The following MICU1 variants were observed in gnomAD, a reference collection of about 807,000 sequenced individuals.
MICU1 encodes the protein calcium uptake protein 1, mitochondrial.
MICU1 carries 45 observed loss-of-function variants against 56.8 expected under a neutral mutation model. The ratio of observed to expected loss-of-function variants is 0.79; its 90% CI spans 0.62 to 1.02. The LOEUF is 1.02. Ranked by LOEUF, MICU1 falls within the 50% of genes least tolerant of loss-of-function variation. MICU1 has a pLI of 0.00. For synonymous variants in MICU1, 186 were observed against 195.1 expected (o/e 0.95, Z 0.39); for missense variants, 504 against 587.1 (o/e 0.86, Z 1.46).
At chr10:72,408,090 C>T (rs556101926) in intron 9 of MICU1, 53 bp from the exon 10 acceptor site, 120 of 1,118,530 alleles carry the variant, frequency 1.1e-4, no homozygotes, top group Middle Eastern at 7.9e-4. Context: ...AAAAGCAGCA[C>T]GATATGCATA....
chr10:72,404,051 G>A (rs1446123163), intron 10 of MICU1, among the ~76,000 whole-genome samples: 1 of 151,466 alleles, frequency 6.6e-6, no homozygotes, highest in Non-Finnish European at 1.5e-5. Context: ...GTAGAGTGGT[G>A]AGATCTCAGC....
chr10:72,502,154 T>G (rs1354381075), intron 6 of MICU1, among the ~76,000 whole-genome samples: 2 of 103,362 alleles, frequency 1.9e-5, no homozygotes, highest in Non-Finnish European at 5.5e-5. Flanking sequence ...CTGTTTTTTT[T>G]TTTGTTTTTT....
intron 6 of MICU1, among the ~76,000 whole-genome samples, chr10:72,496,286 C>T (rs566850327): frequency 3.3e-5 from 5 of 151,034 alleles, no homozygotes; most frequent in East Asian, 1.9e-4. Context: ...TGTGCCACCA[C>T]GCCTGGCTAA....
chr10:72,441,615 C>CTTTTTTTTTTT (rs71018287), intron 8 of MICU1, among the ~76,000 whole-genome samples: 1 of 105,474 alleles, frequency 9.5e-6, no homozygotes, highest in Non-Finnish European at 1.8e-5. Context: ...TTTAATTTTT[C>CTTTTTTTTTTT]TTTTTTTTTT....
intron 10 of MICU1, among the ~76,000 whole-genome samples, chr10:72,405,974 T>C (rs187445016): frequency 7.8e-4 from 119 of 152,116 alleles, no homozygotes; most frequent in African/African-American, 2.7e-3. Context: ...CAATATTGTA[T>C]TGGTGGGGTA....
chr10:72,600,420 G>T (rs550632318), intron 1 of MICU1, among the ~76,000 whole-genome samples: 10 of 151,728 alleles, frequency 6.6e-5, no homozygotes, highest in Non-Finnish European at 1.2e-4. Context: ...AGGCCGAGGT[G>T]AGTGGATCAC....
At chr10:72,426,277 C>A (rs966266568) in intron 8 of MICU1, among the ~76,000 whole-genome samples, 4 of 152,162 alleles carry the variant, frequency 2.6e-5, no homozygotes, top group Non-Finnish European at 5.9e-5. Context: ...GCCTTGGCCT[C>A]CCAAAGTGCT....
At chr10:72,485,874 A>G (rs1175518584) in intron 6 of MICU1, among the ~76,000 whole-genome samples, 1 of 151,466 alleles carries the variant, frequency 6.6e-6, no homozygotes, top group Non-Finnish European at 1.5e-5. Context: ...CGAGGTAAAA[A>G]GGTCAGTCAC....
chr10:72,415,013 G>GTTTTTTTTTTTT (rs71018285), intron 9 of MICU1, among the ~76,000 whole-genome samples: 1 of 114,266 alleles, frequency 8.8e-6, no homozygotes, highest in Non-Finnish European at 1.9e-5. Context: ...CTCCTGCTTA[G>GTTTTTTTTTTTT]TTTTTTTTTT....
intron 9 of MICU1, among the ~76,000 whole-genome samples, chr10:72,422,967 C>A (rs768687791): frequency 6.6e-6 from 1 of 151,682 alleles, no homozygotes. Context: ...CTTTATTTTC[C>A]CATCTAAACC....
rs1446277604 is a variant in MICU1, at chr10:72,508,151, T to G, written c.652+4A>C. ...AAATGGAAAAAGAAAACGTTTATACTTACTGGAAAGAACAGTTGTGAGGAA... is the reference window on the plus strand; with the variant it reads ...AAATGGAAAAAGAAAACGTTTATACGTACTGGAAAGAACAGTTGTGAGGAA... On this transcript the variant is annotated splice_donor_region_variant and intron_variant, in intron 6 of 11. Transcript: ENST00000361114. 6.8e-7 allele frequency: 1 copy of G among 1,461,184 alleles called. No individual in the cohort carries two copies. Among genetic ancestry groups the G allele is most frequent in the South Asian group, 1.5e-5 (1 of 66,958 alleles). 90.5% of individuals were successfully genotyped at this position (1,461,184 alleles called of 1,614,324 possible).
At chr10:72,395,263 A>G (rs942114530) in intron 10 of MICU1, among the ~76,000 whole-genome samples, 1 of 152,096 alleles carries the variant, frequency 6.6e-6, no homozygotes, top group Non-Finnish European at 1.5e-5. Context: ...GATCGGCCCA[A>G]TATGGTGAAT....
At chr10:72,528,410 A>G (rs1421734588) in intron 5 of MICU1, among the ~76,000 whole-genome samples, 1 of 152,226 alleles carries the variant, frequency 6.6e-6, no homozygotes, top group Non-Finnish European at 1.5e-5. Context: ...AAGACTAATA[A>G]AATTATATTT....
intron 2 of MICU1, among the ~76,000 whole-genome samples, chr10:72,565,611 C>G (rs1298648969): frequency 6.7e-6 from 1 of 149,542 alleles, no homozygotes; most frequent in Non-Finnish European, 1.5e-5. Flanking sequence ...GCACGTTGTG[C>G]ACATGTACCC....
At chr10:72,410,674 T>C (rs1589187666) in intron 9 of MICU1, among the ~76,000 whole-genome samples, 1 of 152,202 alleles carries the variant, frequency 6.6e-6, no homozygotes, top group Non-Finnish European at 1.5e-5. Context: ...GAGTACCTAC[T>C]ATGTACCAAG....
chr10:72,399,144 C>A (rs1863364501), intron 10 of MICU1, among the ~76,000 whole-genome samples: 1 of 152,186 alleles, frequency 6.6e-6, no homozygotes, highest in African/African-American at 2.4e-5. Context: ...TCAACATACG[C>A]AAACCATGTC....
intron 8 of MICU1, among the ~76,000 whole-genome samples, chr10:72,456,678 A>C (rs1865467626): frequency 6.6e-6 from 1 of 152,012 alleles, no homozygotes; most frequent in African/African-American, 2.4e-5. Flanking sequence ...ACTATGTTTT[A>C]GGGTAATTTC....
chr10:72,609,984 G>A (rs577104004), intron 1 of MICU1, among the ~76,000 whole-genome samples: 5 of 151,714 alleles, frequency 3.3e-5, no homozygotes, highest in South Asian at 2.1e-4. Context: ...GCAGTGAGCC[G>A]AGATGGCACC....
At chr10:72,460,488 G>A (rs1375866914) in intron 8 of MICU1, among the ~76,000 whole-genome samples, 3 of 151,932 alleles carry the variant, frequency 2.0e-5, no homozygotes, top group African/African-American at 4.8e-5. Context: ...GGGTGGGGAG[G>A]GAGAAAAGGC....
Sources: gnomAD v4.1 joint callset for allele counts (sites outside exome capture counted in the v4.1 genomes callset) on GRCh38, gnomAD v4.1.1 for gene constraint, MANE v1.5 for transcripts, NCBI Gene and HGNC (gene_info 2026-07-23, HGNC 2026-07-21) for gene names.